BCAT2: variants seen among roughly 807,000 people sequenced by gnomAD.
BCAT2 encodes the protein branched-chain-amino-acid aminotransferase, mitochondrial.
In BCAT2, 44 loss-of-function variants were observed where a neutral mutation model predicts 52.9. That is an observed-to-expected ratio of 0.83 (90% CI 0.65 to 1.07). The LOEUF (loss-of-function observed/expected upper bound fraction) is 1.07. BCAT2 is among the 50% of genes least tolerant of loss of function. The pLI is 0.00. For synonymous variants in BCAT2, 215 were observed against 217.1 expected (o/e 0.99, Z 0.08); for missense variants, 478 against 521.8 (o/e 0.92, Z 0.82).
Position 48,807,406 on chromosome 19 carries a change from G to A in BCAT2, c.25-332C>T, listed in dbSNP as rs1484533075. ...AACCAGGGAAGGCACACAGGTAAGT[G>A]AAGGCCTCCGGGTACCCAAGTGCTG... On this transcript the variant is annotated intron_variant, in intron 1 of 10. Coordinates refer to ENST00000316273, the MANE Select transcript of BCAT2 (RefSeq NM_001190.4). This position sits in a 1 kb window ranked among gnomAD's most constrained non-coding sequence, Gnocchi z 4.6. 3.9e-6 allele frequency: 1 copy of A among 253,330 alleles called. No homozygotes were observed. The highest frequency in any genetic ancestry group is 1.2e-4 in the East Asian group (1 of 8,560). 15.7% of individuals were successfully genotyped at this position (253,330 alleles called of 1,614,324 possible).
rs1202728431 is a variant in BCAT2 at position 48,795,092 on chromosome 19, T to C, written c.*334A>G. 2.5e-6 allele frequency: 1 copy of C among 395,180 alleles called. No individual in the cohort carries two copies. Among genetic ancestry groups the C allele is most frequent in the Non-Finnish European group, 4.6e-6 (1 of 215,870 alleles). 24.5% of individuals were successfully genotyped at this position (395,180 alleles called of 1,614,324 possible). ...GTTCTTTGGCATTTTATTTCAAAAT[T>C]GCAGCAAAGACAGAGAAAAAAAAAT... On this transcript the variant is annotated 3_prime_UTR_variant, in exon 11 of 11. Transcript: ENST00000316273.
rs980660134 is a variant in BCAT2, at chr19:48,795,312, C to T, written c.*114G>A. ...CATGGGGGCGCCAGAGACCCAGACG[C>T]CGCCCGCTGGCCTTTTATTTCGTAT... On this transcript the variant is annotated 3_prime_UTR_variant, in exon 11 of 11. Transcript: ENST00000316273. 7.7e-6 allele frequency: 11 copies of T among 1,428,118 alleles called. No homozygotes were observed. The highest frequency in any genetic ancestry group is 1.9e-5 in the Admixed American group (1 of 52,158). The allele number at this position is 1,428,118 out of a possible 1,614,324, so 88.5% of individuals were successfully genotyped here.
chr19:48,797,631 A>T, intron 6 of BCAT2: 1 of 318,366 alleles, frequency 3.1e-6, no homozygotes, highest in Non-Finnish European at 6.0e-6. Flanking sequence ...GCTCACTGCA[A>T]CCTCCGCCTC....
At position 48,796,994 on chromosome 19, in the gene BCAT2, A is replaced by G. The variant is rs763080552; in HGVS notation, c.867T>C (p.Asn289=). The change falls in exon 8 of 11, where the codon AAT becomes AAC. Residue 289 remains asparagine (N), a synonymous_variant. Coordinates refer to ENST00000316273, the MANE Select transcript of BCAT2 (RefSeq NM_001190.4). ...TGACCACTCCAGGCAGGATAACACC[A>G]TTCAGCGGGGGCGTCACCAGCTCCA... is the stretch of plus-strand genomic sequence containing the variant. The part of the protein sequence containing the change: ...GVLELVTPPL[N]GVILPGVVRQ... 2.5e-6 allele frequency: 4 copies of G among 1,614,154 alleles called. No individual in the cohort carries two copies. The South Asian group carries it at 4.4e-5, about 18-fold the overall frequency.
intron 3 of BCAT2, among the ~76,000 whole-genome samples, chr19:48,803,614 G>A (rs571157767): frequency 1.7e-4 from 26 of 152,314 alleles, no homozygotes; most frequent in African/African-American, 4.6e-4. Flanking sequence ...TTGGGAGGCC[G>A]AAGCAGGTGG....
At chr19:48,797,429 T>C (rs1406504840) in intron 6 of BCAT2, 96 bp from the exon 7 acceptor site, 9 of 1,461,654 alleles carry the variant, frequency 6.2e-6, no homozygotes, top group Non-Finnish European at 7.5e-6. Flanking sequence ...CCCGTCTCCC[T>C]GCTCACAGCT....
In BCAT2 at chr19:48,810,965, C is replaced by A; in HGVS notation, c.24+19G>T. 1 of 1,607,180 alleles carries A rather than the reference C, an allele frequency of 6.2e-7. No homozygotes were observed. Among genetic ancestry groups the A allele is most frequent in the Non-Finnish European group, 8.5e-7 (1 of 1,177,660 alleles). On this transcript the variant is annotated intron_variant, in intron 1 of 10. Coordinates refer to ENST00000316273, the MANE Select transcript of BCAT2 (RefSeq NM_001190.4). Reference sequence around the variant, plus strand: ...CCCCCGGTTATTTCCCAGACCCCGGCGCGGGGCTGCGAACCCACCTGCCCC... The same window carrying A: ...CCCCCGGTTATTTCCCAGACCCCGGAGCGGGGCTGCGAACCCACCTGCCCC...
At position 48,796,462 on chromosome 19, in the gene BCAT2, A is replaced by G. The variant is rs757236406; in HGVS notation, c.1106T>C (p.Ile369Thr). ...IPTMENGPEL[I>T]LRFQKELKEI... ...CTTCAGCTCCTTCTGGAAGCGGAGGATCAGCTCAGGCCCATTTTCCATGGT... is the reference window on the plus strand; with the variant it reads ...CTTCAGCTCCTTCTGGAAGCGGAGGGTCAGCTCAGGCCCATTTTCCATGGT... Residue 369 changes from isoleucine to threonine, a missense_variant, in exon 10 of 11, where the codon ATC becomes ACC. Transcript: ENST00000316273. 6.2e-7 allele frequency: 1 copy of G among 1,613,894 alleles called. No individual in the cohort carries two copies. The highest frequency in any genetic ancestry group is 1.3e-5 in the African/African-American group (1 of 74,906).
At chr19:48,808,020 C>G in intron 1 of BCAT2, 2 of 986,590 alleles carry the variant, frequency 2.0e-6, no homozygotes, top group Non-Finnish European at 2.4e-6. Context: ...AGTGGCCTGG[C>G]CTGGCCTGCC....
At chr19:48,804,370 C>G (rs2034717820) in intron 3 of BCAT2, among the ~76,000 whole-genome samples, 1 of 151,712 alleles carries the variant, frequency 6.6e-6, no homozygotes, top group Admixed American at 6.6e-5. Context: ...ATGGTGAAAC[C>G]CTGGCTTTAC....
chr19:48,809,198 G>A (rs1013887570), intron 1 of BCAT2, among the ~76,000 whole-genome samples: 6 of 151,688 alleles, frequency 4.0e-5, no homozygotes, highest in South Asian at 4.2e-4. Flanking sequence ...CCCATGAGGC[G>A]GAGGTTACAG....
chr19:48,803,480 A>G (rs947252112), intron 3 of BCAT2, among the ~76,000 whole-genome samples: 6 of 152,164 alleles, frequency 3.9e-5, no homozygotes, highest in Admixed American at 2.0e-4. Context: ...GTGAGCCAAG[A>G]TCGTGCCACT....
Position 48,807,545 on chromosome 19 carries a change from C to G in BCAT2, c.25-471G>C. 1 of 230,436 alleles carries G rather than the reference C, an allele frequency of 4.3e-6. No homozygotes were observed. The highest frequency in any genetic ancestry group is 7.2e-6 in the Non-Finnish European group (1 of 138,280). The allele number at this position is 230,436 out of a possible 1,614,324, so 14.3% of individuals were successfully genotyped here. On this transcript the variant is annotated intron_variant, in intron 1 of 10. Coordinates refer to ENST00000316273, the MANE Select transcript of BCAT2 (RefSeq NM_001190.4). This position sits in a 1 kb window ranked among gnomAD's most constrained non-coding sequence, Gnocchi z 4.6. ...TAAGAGTCCAGACTCTAGCTGCCTC[C>G]TCCCTCAGACCCGAAGTCTGGGCCC...
intron 3 of BCAT2, among the ~76,000 whole-genome samples, chr19:48,805,497 T>C (rs1457449521): frequency 6.6e-6 from 1 of 152,098 alleles, no homozygotes; most frequent in African/African-American, 2.4e-5. Context: ...CCCTGACATT[T>C]TCAGCCTCCT....
At chr19:48,797,798 CTT>C (rs1177001240) in intron 6 of BCAT2, among the ~76,000 whole-genome samples, 2 of 129,116 alleles carry the variant, frequency 1.5e-5, no homozygotes, top group African/African-American at 5.9e-5. Flanking sequence ...AAAACCATTT[CTT>C]TTTTTCTTTT....
chr19:48,795,389 G>A lies in BCAT2; in HGVS notation c.*37C>T. 6.2e-7 allele frequency: 1 copy of A among 1,613,644 alleles called. No individual in the cohort carries two copies. The highest frequency in any genetic ancestry group is 8.5e-7 in the Non-Finnish European group (1 of 1,179,832). The stretch of plus-strand genomic sequence containing the variant: ...GAGGCGAGTGCTGGCGTGACGAGAT[G>A]CTACGGGTCGGTGGATCTGGAGCAC... On this transcript the variant is annotated 3_prime_UTR_variant, in exon 11 of 11. Transcript: ENST00000316273.
chr19:48,797,296 G>A lies in BCAT2; in HGVS notation c.733C>T (p.Leu245Phe). The change falls in exon 7 of 11, where the codon CTC becomes TTC. Residue 245 changes from leucine to phenylalanine, a missense_variant. By Grantham distance (22) the Leu-to-Phe change is conservative. Transcript: ENST00000316273. The part of the protein sequence containing the change: ...GPTVLVQQEA[L>F]KRGCEQVLWL... Reference sequence around the variant, plus strand: ...AGGACCTGTTCACAGCCCCGCTTGAGTGCCTCCTGTTGCACTAACACGGTG... The same window carrying A: ...AGGACCTGTTCACAGCCCCGCTTGAATGCCTCCTGTTGCACTAACACGGTG... 1 of 1,614,158 alleles carries A rather than the reference G, an allele frequency of 6.2e-7. No individual in the cohort carries two copies.
rs908478816 is a variant in BCAT2 at position 48,807,983 on chromosome 19, G to T, written c.25-909C>A. Reference sequence around the variant, plus strand: ...TCTTTCCCCAGCCCTGTGGGGAGGCGTTGGGGCGTGAGGTTGAGAGAGACA... The same window carrying T: ...TCTTTCCCCAGCCCTGTGGGGAGGCTTTGGGGCGTGAGGTTGAGAGAGACA... On this transcript the variant is annotated intron_variant, in intron 1 of 10. Transcript: ENST00000316273. This position sits in a 1 kb window ranked among gnomAD's most constrained non-coding sequence, Gnocchi z 4.6. The T allele has an allele frequency of 1.0e-6, 1 of 985,954 alleles. No homozygotes were observed. The highest frequency in any genetic ancestry group is 1.2e-6 in the Non-Finnish European group (1 of 830,288). 61.1% of individuals were successfully genotyped at this position (985,954 alleles called of 1,614,324 possible). A position where few individuals can be genotyped will look rare whatever the true frequency, so the allele number is the denominator to read the frequency against.
At chr19:48,805,653 C>T (rs1317274910) in intron 3 of BCAT2, among the ~76,000 whole-genome samples, 3 of 148,098 alleles carry the variant, frequency 2.0e-5, no homozygotes, top group African/African-American at 7.5e-5. Context: ...CCCGCCATCC[C>T]CCCTGGGCTG....
Sources: gnomAD v4.1 joint callset for allele counts (sites outside exome capture counted in the v4.1 genomes callset) on GRCh38, gnomAD v4.1.1 for gene constraint, Gnocchi (gnomAD v3.1) non-coding constraint, MANE v1.5 for transcripts, NCBI Gene and HGNC (gene_info 2026-07-23, HGNC 2026-07-21) for gene names.